Variants in PP2D1 observed in about 807,000 individuals in gnomAD.
PP2D1 encodes protein phosphatase 2C-like domain-containing protein 1.
A neutral mutation model predicts 30.2 loss-of-function variants in PP2D1; 25 were observed. The ratio of observed to expected loss-of-function variants is 0.83; its 90% CI spans 0.60 to 1.16. The LOEUF (loss-of-function observed/expected upper bound fraction) is 1.16, where lower values mean the gene tolerates loss of function less well. Among genes scored for constraint, PP2D1 ranks in the 50% most tolerant of loss-of-function variants. PP2D1 has a pLI of 0.00. For synonymous variants in PP2D1, 260 were observed against 258.9 expected (o/e 1.00, Z -0.04); for missense variants, 760 against 742.4 (o/e 1.02, Z -0.28).
At chr3:20,003,940 A>G (rs372617344) in intron 1 of PP2D1, among the ~76,000 whole-genome samples, 8 of 152,208 alleles carry the variant, frequency 5.3e-5, no homozygotes, top group Non-Finnish European at 1.0e-4. Context: ...TTTACAAAGT[A>G]AAAAGTTACT....
At chr3:20,006,051 C>T (rs979867942) in intron 1 of PP2D1, among the ~76,000 whole-genome samples, 2 of 152,110 alleles carry the variant, frequency 1.3e-5, no homozygotes, top group Non-Finnish European at 2.9e-5. Context: ...TTGGGACTAG[C>T]CCAGCCAACA....
chr3:20,008,330 G>A (rs1697347092), intron 1 of PP2D1: 1 of 152,860 alleles, frequency 6.5e-6, no homozygotes. Flanking sequence ...CAGCACTTTG[G>A]GAGGCCGAGG....
downstream of PP2D1, among the ~76,000 whole-genome samples, chr3:19,980,774 G>C (rs1057175087): frequency 1.3e-5 from 2 of 152,112 alleles, no homozygotes; most frequent in Non-Finnish European, 2.9e-5. Flanking sequence ...CCATTATAAT[G>C]CTATTTATGC....
intron 1 of PP2D1, among the ~76,000 whole-genome samples, chr3:20,009,676 A>G (rs1303604398): frequency 6.6e-6 from 1 of 152,176 alleles, no homozygotes; most frequent in African/African-American, 2.4e-5. Flanking sequence ...ATGATAAACG[A>G]TAAATAATAG....
intron 1 of PP2D1, among the ~76,000 whole-genome samples, chr3:20,008,682 T>C (rs1032175770): frequency 2.0e-5 from 3 of 152,038 alleles, no homozygotes; most frequent in African/African-American, 7.2e-5. Context: ...GCCCAGGAGG[T>C]TGAGGCTGCA....
Position 20,001,954 on chromosome 3 carries a change from G to C in PP2D1, c.166C>G (p.Gln56Glu), listed in dbSNP as rs1468609281. Residue 56 changes from glutamine (Q) to glutamate (E), a missense_variant, in exon 2 of 3, where the codon CAG (glutamine) becomes GAG (glutamate). By Grantham distance (29) the Gln-to-Glu change is conservative. Transcript: ENST00000389050. Reference sequence around the variant, plus strand: ...AATGTGGTCCCTTGCTCATAGACCTGCTCCTCTTCATGGCGTTTGGTGTGT... The same window carrying C: ...AATGTGGTCCCTTGCTCATAGACCTCCTCCTCTTCATGGCGTTTGGTGTGT... ...VRHTKRHEEE[Q>E]VYEQGTTLPC... 3 of 1,536,244 alleles carry C rather than the reference G, an allele frequency of 2.0e-6. No homozygotes were observed. In the South Asian group the frequency reaches 3.6e-5, roughly 18 times the overall value.
chr3:20,006,219 C>T (rs557940846), intron 1 of PP2D1, among the ~76,000 whole-genome samples: 2 of 152,168 alleles, frequency 1.3e-5, no homozygotes, highest in Non-Finnish European at 2.9e-5. Context: ...GCACTCCAGC[C>T]TGGGCGACAG....
At chr3:19,983,724 GAATGAACCACAA>G, downstream of PP2D1, 2 of 1,609,852 alleles carry the variant, frequency 1.2e-6, no homozygotes, top group Admixed American at 1.7e-5. Context: ...AATTGCCAAA[GAATGAACCACAA>G]AATCCAGGAG....
chr3:19,981,756 ACTAG>A (rs1237555316), downstream of PP2D1, among the ~76,000 whole-genome samples: 4 of 152,152 alleles, frequency 2.6e-5, no homozygotes, highest in Non-Finnish European at 1.5e-5. Context: ...GAGAACAGCC[ACTAG>A]CTGTATAGAG....
chr3:19,994,620 T>C (rs1697155281), intron 2 of PP2D1, among the ~76,000 whole-genome samples: 1 of 152,192 alleles, frequency 6.6e-6, no homozygotes, highest in Non-Finnish European at 1.5e-5. Flanking sequence ...ATAATTCCCC[T>C]AAACATATAT....
At chr3:19,994,456 C>T (rs1697153542) in intron 2 of PP2D1, among the ~76,000 whole-genome samples, 1 of 152,316 alleles carries the variant, frequency 6.6e-6, no homozygotes, top group South Asian at 2.1e-4. Flanking sequence ...TATAACAACA[C>T]CCCATCTCTG....
At chr3:20,005,638 T>C (rs1000842221) in intron 1 of PP2D1, among the ~76,000 whole-genome samples, 1 of 152,138 alleles carries the variant, frequency 6.6e-6, no homozygotes, top group African/African-American at 2.4e-5. Flanking sequence ...TATTCAACAG[T>C]TGAGTATCTA....
chr3:19,999,405 G>A (rs918050644), intron 2 of PP2D1, among the ~76,000 whole-genome samples: 2 of 145,262 alleles, frequency 1.4e-5, no homozygotes, highest in African/African-American at 2.6e-5. Context: ...TTTTGGAGAC[G>A]GAGTCTCTCT....
At chr3:19,983,236 C>A (rs1359477856), downstream of PP2D1, among the ~76,000 whole-genome samples, 1 of 149,436 alleles carries the variant, frequency 6.7e-6, no homozygotes, top group Admixed American at 6.8e-5. Context: ...CTCGAGAGGC[C>A]AAGGCACGAG....
intron 1 of PP2D1, among the ~76,000 whole-genome samples, chr3:20,009,192 T>C (rs1697357393): frequency 6.6e-6 from 1 of 152,158 alleles, no homozygotes; most frequent in African/African-American, 2.4e-5. Flanking sequence ...CCAGGTGCAG[T>C]GGCTCACACC....
intron 1 of PP2D1, among the ~76,000 whole-genome samples, chr3:20,005,438 C>T (rs1004225441): frequency 6.6e-6 from 1 of 152,192 alleles, no homozygotes; most frequent in Non-Finnish European, 1.5e-5. Flanking sequence ...AGGCATTAGC[C>T]ACTGTGCCCA....
downstream of PP2D1, among the ~76,000 whole-genome samples, chr3:19,982,068 C>T (rs1696939340): frequency 6.6e-6 from 1 of 151,638 alleles, no homozygotes; most frequent in Non-Finnish European, 1.5e-5. Context: ...AGAGCAAGAC[C>T]CTATCTCTAC....
At chr3:20,003,106 C>A (rs989009677) in intron 1 of PP2D1, among the ~76,000 whole-genome samples, 1 of 151,368 alleles carries the variant, frequency 6.6e-6, no homozygotes, top group Non-Finnish European at 1.5e-5. Context: ...GAACGTAATA[C>A]CTGATAATGA....
downstream of PP2D1, chr3:19,983,923 G>T (rs1158272289): frequency 1.9e-5 from 15 of 792,138 alleles, no homozygotes; most frequent in Non-Finnish European, 3.1e-5. Flanking sequence ...TCCAAAAGAA[G>T]AGACTTATGA....
Sources: allele counts gnomAD v4.1 joint callset (sites outside exome capture counted in the v4.1 genomes callset), GRCh38; gene constraint gnomAD v4.1.1; transcripts MANE v1.5; gene names NCBI Gene and HGNC (gene_info 2026-07-23, HGNC 2026-07-21).